NFIB: variants seen among roughly 807,000 people sequenced by gnomAD.
The protein encoded by NFIB is nuclear factor I B.
NFIB carries 11 observed loss-of-function variants against 61.5 expected under a neutral mutation model. That is an observed-to-expected ratio of 0.18 (90% CI 0.11 to 0.30). The LOEUF is 0.30. Ranked by LOEUF, NFIB falls within the 10% of genes least tolerant of loss-of-function variation. The pLI is 1.00. For synonymous variants in NFIB, 260 were observed against 216.5 expected (o/e 1.20, Z -1.76); for missense variants, 471 against 608.9 (o/e 0.77, Z 2.38).
At chr9:14,150,043 T>C in intron 5 of NFIB, 102 bp downstream of exon 5, 1 of 1,486,060 alleles carries the variant, frequency 6.7e-7, no homozygotes. Flanking sequence ...CAAAAATTAT[T>C]TCCCATCTCT....
At chr9:14,139,979 A>C (rs1333136775) in intron 6 of NFIB, among the ~76,000 whole-genome samples, 1 of 152,206 alleles carries the variant, frequency 6.6e-6, no homozygotes, top group Non-Finnish European at 1.5e-5. Flanking sequence ...CCATAATAAG[A>C]AGCTAAACAA....
At chr9:14,193,320 C>A (rs1260230678) in intron 2 of NFIB, among the ~76,000 whole-genome samples, 1 of 151,998 alleles carries the variant, frequency 6.6e-6, no homozygotes, top group African/African-American at 2.4e-5. Context: ...TGCTCCTTGA[C>A]TGGAACAATT....
chr9:14,497,126 A>T, the NFIB span, among the ~76,000 whole-genome samples: 1 of 152,354 alleles, frequency 6.6e-6, no homozygotes, highest in South Asian at 2.1e-4. Flanking sequence ...TTCTATAGAA[A>T]GATAATTTGA....
the NFIB span, among the ~76,000 whole-genome samples, chr9:14,421,898 A>C: frequency 6.6e-6 from 1 of 152,214 alleles, no homozygotes; most frequent in Non-Finnish European, 1.5e-5. Flanking sequence ...AAGATAATTC[A>C]TGAGAGCAGA....
chr9:14,449,073 T>C, the NFIB span, among the ~76,000 whole-genome samples: 1 of 152,168 alleles, frequency 6.6e-6, no homozygotes. Context: ...CCTGAAAAAT[T>C]TGATGCAATT....
intron 3 of NFIB, among the ~76,000 whole-genome samples, chr9:14,168,010 A>T (rs1010454187): frequency 1.1e-4 from 16 of 151,800 alleles, no homozygotes; most frequent in African/African-American, 3.9e-4. Context: ...ATTCATCATC[A>T]GTATGCTACA....
chr9:14,427,934 G>GTTTTTTTTTTTTTTTTT, the NFIB span, among the ~76,000 whole-genome samples: 42 of 25,976 alleles, frequency 1.6e-3, 1 homozygote, highest in East Asian at 3.6e-3. Flanking sequence ...CTTTAATTCA[G>GTTTTTTTTTTTTTTTTT]TTGTTTTTTT....
At chr9:14,352,603 G>A (rs143300661) in intron 1 of NFIB, among the ~76,000 whole-genome samples, 1 of 152,214 alleles carries the variant, frequency 6.6e-6, no homozygotes, top group African/African-American at 2.4e-5. Context: ...AATTGGACAA[G>A]CAAGTGTTTC....
chr9:14,181,616 T>C (rs1411716266), intron 2 of NFIB, among the ~76,000 whole-genome samples: 5 of 152,252 alleles, frequency 3.3e-5, no homozygotes, highest in African/African-American at 1.2e-4. Flanking sequence ...CTTTTTGCTA[T>C]AGCATCAGCT....
the NFIB span, among the ~76,000 whole-genome samples, chr9:14,406,771 C>A: frequency 5.3e-5 from 8 of 152,192 alleles, no homozygotes; most frequent in African/African-American, 1.9e-4. Context: ...TTGCTCTTTT[C>A]CCCTCATCTG....
chr9:14,509,483 C>G, the NFIB span, among the ~76,000 whole-genome samples: 1 of 152,184 alleles, frequency 6.6e-6, no homozygotes, highest in East Asian at 1.9e-4. Flanking sequence ...TCCTTTTTTT[C>G]TCTGGTATTA....
At chr9:14,349,806 T>C (rs1406601084) in intron 1 of NFIB, among the ~76,000 whole-genome samples, 1 of 152,128 alleles carries the variant, frequency 6.6e-6, no homozygotes, top group Non-Finnish European at 1.5e-5. Context: ...GGATGAGAGT[T>C]GAGACTTCGA....
chr9:14,366,812 C>CA (rs1055656976), intron 1 of NFIB, among the ~76,000 whole-genome samples: 1 of 152,116 alleles, frequency 6.6e-6, no homozygotes, highest in East Asian at 1.9e-4. Context: ...ATTTTTTTCC[C>CA]AAAAAATCTG....
At chr9:14,429,802 C>T in the NFIB span, among the ~76,000 whole-genome samples, 3 of 152,184 alleles carry the variant, frequency 2.0e-5, no homozygotes, top group Non-Finnish European at 4.4e-5. Flanking sequence ...GCAGTACTCC[C>T]TGAAAGTGAA....
At chr9:14,401,943 T>G (rs1292220155), upstream of NFIB, among the ~76,000 whole-genome samples, 2 of 152,220 alleles carry the variant, frequency 1.3e-5, no homozygotes, top group African/African-American at 4.8e-5. Context: ...CAAGTATATA[T>G]GACTGCTGTC....
chr9:14,491,745 C>G, the NFIB span, among the ~76,000 whole-genome samples: 1 of 152,158 alleles, frequency 6.6e-6, no homozygotes. Flanking sequence ...AAGCCTCCCC[C>G]CTCCATTTTT....
At chr9:14,136,905 TGTTTAA>T (rs2041110671) in intron 6 of NFIB, among the ~76,000 whole-genome samples, 1 of 152,190 alleles carries the variant, frequency 6.6e-6, no homozygotes, top group Non-Finnish European at 1.5e-5. Flanking sequence ...TAAATTGTAG[TGTTTAA>T]GTTCAACCTA....
the NFIB span, among the ~76,000 whole-genome samples, chr9:14,529,917 A>G: frequency 4.6e-5 from 7 of 152,324 alleles, no homozygotes; most frequent in Admixed American, 3.3e-4. Context: ...AGCTTATGCA[A>G]ATCTTTAGTA....
the NFIB span, among the ~76,000 whole-genome samples, chr9:14,425,660 C>A: frequency 8.1e-6 from 1 of 124,192 alleles, no homozygotes; most frequent in Non-Finnish European, 1.6e-5. Flanking sequence ...GATGGGACCA[C>A]TTAATCTCGA....
Sources: gnomAD v4.1 joint callset for allele counts (sites outside exome capture counted in the v4.1 genomes callset) on GRCh38, gnomAD v4.1.1 for gene constraint, MANE v1.5 for transcripts, NCBI Gene and HGNC (gene_info 2026-07-23, HGNC 2026-07-21) for gene names.